The following IMMT variants were observed in gnomAD, a reference collection of about 807,000 sequenced individuals.
IMMT encodes the protein MICOS complex subunit MIC60.
Under a neutral mutation model 92.7 loss-of-function variants are expected in IMMT, and 40 were observed. That is an observed-to-expected ratio of 0.43 (90% CI 0.34 to 0.56). The LOEUF is 0.56. IMMT is among the 20% of genes least tolerant of loss of function. The pLI, the probability that IMMT is intolerant of heterozygous loss-of-function variation, is 0.03. For missense variants in IMMT, 831 were observed against 912.1 expected (o/e 0.91, Z 1.14); for synonymous variants, 322 against 336.1 (o/e 0.96, Z 0.46).
intron 3 of IMMT, among the ~76,000 whole-genome samples, chr2:86,178,330 A>G (rs1242321620): frequency 6.9e-6 from 1 of 145,928 alleles, no homozygotes. Context: ...AAAAAAAAAA[A>G]AGAAAAAAAA....
rs574151613 is a variant in IMMT, at chr2:86,162,517, G to T, written c.793-438C>A. Among the ~76,000 whole-genome samples the T allele has an allele frequency of 2.0e-5, 3 of 151,854 alleles. No homozygotes were observed. In the South Asian group the frequency reaches 6.2e-4, roughly 32 times the overall value. The stretch of plus-strand genomic sequence containing the variant: ...ACTATTGTCAAAAACCTCCCTTGAG[G>T]TGACTCTTACGGTATGTGAAATGTG... On this transcript the variant is annotated intron_variant, in intron 7 of 14. Coordinates refer to ENST00000410111, the MANE Select transcript of IMMT (RefSeq NM_006839.3).
chr2:86,172,940 T>G (rs1213053318), intron 4 of IMMT, among the ~76,000 whole-genome samples: 1 of 152,360 alleles, frequency 6.6e-6, no homozygotes, highest in South Asian at 2.1e-4. Context: ...TCTGACATCC[T>G]ATACGTTTTA....
At chr2:86,185,524 T>C (rs1321097936) in intron 1 of IMMT, among the ~76,000 whole-genome samples, 1 of 152,264 alleles carries the variant, frequency 6.6e-6, no homozygotes, top group East Asian at 1.9e-4. Flanking sequence ...TAAGGATGTG[T>C]TTCCCAGATT....
intron 12 of IMMT, among the ~76,000 whole-genome samples, chr2:86,148,996 A>G (rs1240391661): frequency 6.6e-6 from 1 of 152,178 alleles, no homozygotes; most frequent in Non-Finnish European, 1.5e-5. Context: ...TGGAGGCAGC[A>G]GACAGTAAAC....
rs1674863902 is a variant in IMMT at position 86,144,753 on chromosome 2, C to T, written c.1792G>A (p.Ala598Thr). 6.2e-7 allele frequency: 1 copy of T among 1,613,700 alleles called. No individual in the cohort carries two copies. Among genetic ancestry groups the T allele is most frequent in the African/African-American group, 1.3e-5 (1 of 74,894 alleles). ...TTATCAGAACAGTTGGCTTTGATGG[C>T]CTCAACTGCACTACCCAGCGGGATA... ...PTIPLGSAVE[A>T]IKANCSDNEF... The change falls in exon 15 of 15, where the codon GCC becomes ACC. Residue 598 changes from alanine to threonine, a missense_variant. Coordinates refer to ENST00000410111, the MANE Select transcript of IMMT (RefSeq NM_006839.3).
At chr2:86,192,225 C>T (rs1673178880) in intron 1 of IMMT, among the ~76,000 whole-genome samples, 1 of 152,048 alleles carries the variant, frequency 6.6e-6, no homozygotes, top group Non-Finnish European at 1.5e-5. Context: ...AGAATGAGAC[C>T]CTATCTCTAC....
chr2:86,150,503 A>G (rs755465015), intron 12 of IMMT, among the ~76,000 whole-genome samples: 7 of 152,206 alleles, frequency 4.6e-5, no homozygotes, highest in Non-Finnish European at 8.8e-5. Context: ...GGCCAGTAGT[A>G]CTGCTAAGAA....
intron 1 of IMMT, among the ~76,000 whole-genome samples, chr2:86,193,536 G>C (rs555581257): frequency 2.0e-5 from 3 of 152,144 alleles, no homozygotes; most frequent in East Asian, 1.9e-4. Context: ...TTAAAGTTCT[G>C]AGAGTTGATG....
Position 86,192,428 on chromosome 2 carries a change from T to C in IMMT, c.45+2910A>G, listed in dbSNP as rs142337713. On this transcript the variant is annotated intron_variant, in intron 1 of 14. Coordinates refer to ENST00000410111, the MANE Select transcript of IMMT (RefSeq NM_006839.3). ...CTGAAGACCAGCCTGGGAAACATAATGAGACCCCATCTCTAAAAAATCTTT... is the reference window on the plus strand; with the variant it reads ...CTGAAGACCAGCCTGGGAAACATAACGAGACCCCATCTCTAAAAAATCTTT... Among the ~76,000 whole-genome samples the C allele has an allele frequency of 1.8e-3, 272 of 152,192 alleles. 4 individuals are homozygous for C. The highest frequency in any genetic ancestry group is 6.3e-3 in the African/African-American group (261 of 41,474).
At chr2:86,184,818 C>A (rs1479013617) in intron 1 of IMMT, among the ~76,000 whole-genome samples, 1 of 151,964 alleles carries the variant, frequency 6.6e-6, no homozygotes, top group African/African-American at 2.4e-5. Flanking sequence ...AAACTGTCAT[C>A]TGTAATGACA....
rs772718214 is a variant in IMMT at position 86,147,823 on chromosome 2, ACTT to A, written c.1409_1411del (p.Glu470del). 9 of 1,613,706 alleles carry A rather than the reference ACTT, an allele frequency of 5.6e-6. No individual in the cohort carries two copies. Among genetic ancestry groups the A allele is most frequent in the Admixed American group, 3.3e-5 (2 of 60,000 alleles). On this transcript the variant is annotated inframe_deletion, in exon 13 of 15. Coordinates refer to ENST00000410111, the MANE Select transcript of IMMT (RefSeq NM_006839.3). ...CATTTCATTTTCCATGGCATCTCTG[ACTT>A]CTTCTATCTGTGAAACCAAACATAG...
intron 6 of IMMT, 38 bp from the exon 7 acceptor site, chr2:86,166,682 A>AC (rs1341961465): frequency 3.2e-6 from 5 of 1,547,048 alleles, no homozygotes; most frequent in Non-Finnish European, 2.6e-6. Context: ...AACAAATCCT[A>AC]CCCCCATAAA....
At chr2:86,166,866 G>A (rs1213116395) in intron 6 of IMMT, among the ~76,000 whole-genome samples, 3 of 151,988 alleles carry the variant, frequency 2.0e-5, no homozygotes, top group African/African-American at 2.4e-5. Context: ...TTGGGAGGCC[G>A]AGGCGGGCGT....
chr2:86,170,761 C>G lies in IMMT; in HGVS notation c.643G>C (p.Val215Leu). ...CTGGTTTACATACACTCAATTTTAA[C>G]TTGTTCTTGTTTTTCCTGTTGTGCA... ...RLAQQEKQEQ[V>L]KIESLAKSLE... Residue 215 changes from valine (V) to leucine (L), a missense_variant, in exon 6 of 15, where the codon GTT becomes CTT. Coordinates refer to ENST00000410111, the MANE Select transcript of IMMT (RefSeq NM_006839.3). 1 of 1,577,632 alleles carries G rather than the reference C, an allele frequency of 6.3e-7. No individual in the cohort carries two copies. Among genetic ancestry groups the G allele is most frequent in the East Asian group, 2.3e-5 (1 of 43,986 alleles).
intron 7 of IMMT, among the ~76,000 whole-genome samples, chr2:86,164,052 ATTT>A (rs540613367): frequency 4.8e-5 from 3 of 63,024 alleles, no homozygotes; most frequent in African/African-American, 5.6e-5. Context: ...CACTTTAGTC[ATTT>A]TTTTTTTTTT....
chr2:86,155,353 T>G (rs565638717), intron 10 of IMMT, among the ~76,000 whole-genome samples: 8 of 132,918 alleles, frequency 6.0e-5, no homozygotes, highest in Non-Finnish European at 1.1e-4. Context: ...AGTCCCGTGC[T>G]GCTGATACAA....
intron 10 of IMMT, among the ~76,000 whole-genome samples, chr2:86,156,988 C>T (rs940684793): frequency 6.6e-6 from 1 of 152,140 alleles, no homozygotes; most frequent in Admixed American, 6.5e-5. Context: ...CTCAGGTGCT[C>T]ACATCTGTTT....
chr2:86,159,756 TAA>T (rs1215926905), intron 8 of IMMT, 85 bp from the exon 9 acceptor site: 28 of 1,205,278 alleles, frequency 2.3e-5, no homozygotes, highest in Non-Finnish European at 3.0e-5. Context: ...ATATAATTGT[TAA>T]AAGTCTATGA....
chr2:86,169,256 G>A (rs961339110), intron 6 of IMMT, among the ~76,000 whole-genome samples: 5 of 152,160 alleles, frequency 3.3e-5, no homozygotes, highest in East Asian at 3.9e-4. Context: ...AGAGAGAAAA[G>A]TGAAAAGTGA....
Sources: gnomAD v4.1 joint callset for allele counts (sites outside exome capture counted in the v4.1 genomes callset) on GRCh38, gnomAD v4.1.1 for gene constraint, MANE v1.5 for transcripts, NCBI Gene and HGNC (gene_info 2026-07-23, HGNC 2026-07-21) for gene names.